SPATA17: variants seen among roughly 807,000 people sequenced by gnomAD.
SPATA17 encodes the protein spermatogenesis-associated protein 17.
SPATA17 carries 53 observed loss-of-function variants against 62.2 expected under a neutral mutation model. The observed-to-expected ratio is 0.85, with a 90% CI of 0.68 to 1.07. The LOEUF (loss-of-function observed/expected upper bound fraction) is 1.07, where lower values mean the gene tolerates loss of function less well. Among genes scored for constraint, SPATA17 ranks in the 50% least tolerant of loss-of-function variants. The pLI is 0.00. For missense variants in SPATA17, 466 were observed against 425.5 expected, an observed-to-expected ratio of 1.10 and a Z score of -0.84; for synonymous variants, 146 against 146.8, an observed-to-expected ratio of 0.99 and a Z score of 0.04.
chr1:217,782,531 G>C (rs527340595), intron 8 of SPATA17, among the ~76,000 whole-genome samples: 139 of 151,788 alleles, frequency 9.2e-4, no homozygotes, highest in Non-Finnish European at 1.5e-3. Flanking sequence ...CAACTCAAAA[G>C]ACAAAAAAAA....
chr1:217,780,714 A>G (rs1423490023), intron 7 of SPATA17, among the ~76,000 whole-genome samples: 1 of 152,148 alleles, frequency 6.6e-6, no homozygotes, highest in African/African-American at 2.4e-5. Flanking sequence ...GAAACTAATA[A>G]TTATGATGGT....
At chr1:217,725,851 G>A (rs1672247684) in intron 5 of SPATA17, among the ~76,000 whole-genome samples, 1 of 152,142 alleles carries the variant, frequency 6.6e-6, no homozygotes, top group African/African-American at 2.4e-5. Flanking sequence ...GTAAAGGAAT[G>A]TCTCCTTATT....
intron 3 of SPATA17, among the ~76,000 whole-genome samples, chr1:217,661,123 G>C (rs1261431180): frequency 6.6e-6 from 1 of 152,068 alleles, no homozygotes; most frequent in African/African-American, 2.4e-5. Context: ...TAGATCCATA[G>C]TTATAAGATG....
chr1:217,680,882 G>C (rs1280103810), intron 4 of SPATA17, among the ~76,000 whole-genome samples: 4 of 132,950 alleles, frequency 3.0e-5, no homozygotes, highest in Non-Finnish European at 6.2e-5. Flanking sequence ...CCGAGATCAT[G>C]CCACTGCACT....
intron 5 of SPATA17, among the ~76,000 whole-genome samples, chr1:217,688,051 T>C (rs35483859): frequency 0.14 from 21,074 of 152,012 alleles, 1,544 homozygotes; most frequent in Non-Finnish European, 0.16. Flanking sequence ...TCATTGAAAA[T>C]TGAACTTACC....
At chr1:217,668,944 A>T (rs1347852503) in intron 3 of SPATA17, 89 bp from the exon 4 acceptor site, 2 of 1,122,972 alleles carry the variant, frequency 1.8e-6, no homozygotes, top group Non-Finnish European at 2.7e-6. Flanking sequence ...TGTATTATGT[A>T]TAAAGATTCT....
chr1:217,791,772 A>G (rs910012702), intron 8 of SPATA17, among the ~76,000 whole-genome samples: 9 of 152,318 alleles, frequency 5.9e-5, no homozygotes, highest in African/African-American at 1.9e-4. Flanking sequence ...CCTGAGTGAA[A>G]GATCAGATAG....
chr1:217,678,011 C>T (rs1223704736), intron 4 of SPATA17, among the ~76,000 whole-genome samples: 2 of 151,956 alleles, frequency 1.3e-5, no homozygotes, highest in East Asian at 3.9e-4. Flanking sequence ...CATTCCTAAT[C>T]TTTGAAGATT....
chr1:217,732,939 A>G (rs910817544), intron 5 of SPATA17, among the ~76,000 whole-genome samples: 3 of 152,184 alleles, frequency 2.0e-5, no homozygotes, highest in Admixed American at 1.3e-4. Flanking sequence ...TTTACTGTGA[A>G]ATATGTGCAT....
chr1:217,844,522 A>ATCTGGAATGGGGTG (rs1675482211), intron 9 of SPATA17, among the ~76,000 whole-genome samples: 2 of 152,244 alleles, frequency 1.3e-5, no homozygotes, highest in South Asian at 4.1e-4. Flanking sequence ...GGAATGGGGT[A>ATCTGGAATGGGGTG]TTTGAGAACT....
At chr1:217,674,492 A>G (rs1174988689) in intron 4 of SPATA17, among the ~76,000 whole-genome samples, 3 of 152,118 alleles carry the variant, frequency 2.0e-5, no homozygotes, top group African/African-American at 7.2e-5. Context: ...AGTCCCTGGC[A>G]GGAGAGTGTG....
chr1:217,719,852 G>C (rs1170397141), intron 5 of SPATA17, among the ~76,000 whole-genome samples: 1 of 152,196 alleles, frequency 6.6e-6, no homozygotes, highest in Non-Finnish European at 1.5e-5. Context: ...GCTGCAGCCT[G>C]CTGGATTGTG....
intron 1 of SPATA17, among the ~76,000 whole-genome samples, chr1:217,632,002 G>GT (rs1351145361): frequency 6.6e-6 from 1 of 152,050 alleles, no homozygotes; most frequent in Admixed American, 6.5e-5. Context: ...GGACAACATG[G>GT]TGAAACCCCG....
At chr1:217,683,837 A>T (rs1023059142) in intron 5 of SPATA17, among the ~76,000 whole-genome samples, 3 of 151,948 alleles carry the variant, frequency 2.0e-5, no homozygotes, top group East Asian at 1.9e-4. Flanking sequence ...TTATTATATT[A>T]AAAAAATCTT....
rs540176091 is a variant in SPATA17, at chr1:217,648,236, A to C, written c.69-646A>C. On this transcript the variant is annotated intron_variant, in intron 1 of 10. Transcript: ENST00000366933. ...ATATATTGTTTTGTGTGGTTTTTAC[A>C]GTTTATTTTACACTTAATCTACACT... Among the ~76,000 whole-genome samples, 4 of 152,132 alleles carry C rather than the reference A, an allele frequency of 2.6e-5. No individual in the cohort carries two copies. The South Asian group carries it at 8.3e-4, about 32-fold the overall frequency.
At chr1:217,727,453 C>A (rs1051148305) in intron 5 of SPATA17, among the ~76,000 whole-genome samples, 1 of 151,656 alleles carries the variant, frequency 6.6e-6, no homozygotes, top group Non-Finnish European at 1.5e-5. Flanking sequence ...CATTACAGTT[C>A]TTGATGCATA....
At chr1:217,689,097 C>G (rs1434693575) in intron 5 of SPATA17, among the ~76,000 whole-genome samples, 2 of 151,928 alleles carry the variant, frequency 1.3e-5, no homozygotes, top group Non-Finnish European at 2.9e-5. Flanking sequence ...GGGTCAGGTA[C>G]TAGGTTAAAT....
At chr1:217,822,074 C>T (rs1674877254) in intron 9 of SPATA17, among the ~76,000 whole-genome samples, 1 of 152,078 alleles carries the variant, frequency 6.6e-6, no homozygotes, top group Non-Finnish European at 1.5e-5. Context: ...GAATTATCTA[C>T]CTAAAATGTC....
chr1:217,733,822 T>C (rs1239675453), intron 5 of SPATA17, among the ~76,000 whole-genome samples: 1 of 152,214 alleles, frequency 6.6e-6, no homozygotes, highest in Non-Finnish European at 1.5e-5. Flanking sequence ...TGTTAAAGTT[T>C]CAACTCTATA....
Sources: allele counts gnomAD v4.1 joint callset (sites outside exome capture counted in the v4.1 genomes callset), GRCh38; gene constraint gnomAD v4.1.1; transcripts MANE v1.5; gene names NCBI Gene and HGNC (gene_info 2026-07-23, HGNC 2026-07-21).